The following EVC variants were observed in gnomAD, a reference collection of about 807,000 sequenced individuals.
EVC encodes the protein EvC ciliary complex subunit 1.
Under a neutral mutation model 118.9 loss-of-function variants are expected in EVC, and 116 were observed. The observed-to-expected ratio is 0.98, with a 90% confidence interval of 0.84 to 1.14. The LOEUF is 1.14. Ranked by LOEUF, EVC falls within the 50% of genes most tolerant of loss-of-function variation. EVC has a pLI of 0.00. For missense variants in EVC, 1,401 were observed against 1,246.4 expected (o/e 1.12, Z -1.87); for synonymous variants, 619 against 534.7 (o/e 1.16, Z -2.18).
chr4:5,778,413 C>T (rs1195844195), intron 11 of EVC, among the ~76,000 whole-genome samples: 3 of 151,698 alleles, frequency 2.0e-5, no homozygotes, highest in African/African-American at 7.3e-5. Context: ...GGAATCGCCA[C>T]ACTGACTTCC....
chr4:5,758,358 A>T, intron 11 of EVC: 1 of 523,940 alleles, frequency 1.9e-6, no homozygotes, highest in East Asian at 3.2e-5. Context: ...AACTAAACGG[A>T]AGGCGATCTT....
chr4:5,828,800 T>G, the EVC span: 2 of 1,111,770 alleles, frequency 1.8e-6, no homozygotes, highest in Admixed American at 2.8e-5. Context: ...AAAATACCTT[T>G]TATTGACTGT....
chr4:5,794,325 T>A lies in EVC; in HGVS notation c.1886+608T>A, dbSNP rs28579216. Among the ~76,000 whole-genome samples the A allele has an allele frequency of 4.4e-5, 6 of 135,242 alleles. No homozygotes were observed. The South Asian group carries it at 1.3e-3, about 30-fold the overall frequency. 88.7% of individuals were successfully genotyped at this position (135,242 alleles called of 152,430 possible). A position where few individuals can be genotyped will look rare whatever the true frequency, so the allele number is the denominator to read the frequency against. ...TATATTTTTATATATTTATATATAT[T>A]TATATATATTTATATACTTATATAT... On this transcript the variant is annotated intron_variant, in intron 13 of 20. Coordinates refer to ENST00000264956, the MANE Select transcript of EVC (RefSeq NM_153717.3).
chr4:5,720,709 G>C (rs902963153), intron 2 of EVC, among the ~76,000 whole-genome samples: 2 of 152,208 alleles, frequency 1.3e-5, no homozygotes, highest in East Asian at 1.9e-4. Flanking sequence ...ACGTGGACGG[G>C]GGGAGAGATG....
chr4:5,730,921 GGTGTGCA>G, intron 3 of EVC, among the ~76,000 whole-genome samples: 1 of 151,732 alleles, frequency 6.6e-6, no homozygotes, highest in Non-Finnish European at 1.5e-5. Context: ...TGGTGTGCAT[GGTGTGCA>G]TGGTGTTCCA....
intron 12 of EVC, among the ~76,000 whole-genome samples, chr4:5,786,949 A>T (rs541547019): frequency 1.3e-4 from 20 of 152,294 alleles, no homozygotes; most frequent in Admixed American, 3.3e-4. Flanking sequence ...AAAAAAAGAG[A>T]AATGAGCTCT....
At position 5,738,571 on chromosome 4, in the gene EVC, T is replaced by G. The variant is rs1162500029; in HGVS notation, c.703-3145T>G. 6.6e-6 allele frequency among the ~76,000 whole-genome samples: 1 copy of G among 151,884 alleles called. No homozygotes were observed. Among genetic ancestry groups the G allele is most frequent in the African/African-American group, 2.4e-5 (1 of 41,310 alleles). On this transcript the variant is annotated intron_variant, in intron 5 of 20. Coordinates refer to ENST00000264956, the MANE Select transcript of EVC (RefSeq NM_153717.3). This position sits in a 1 kb window ranked among gnomAD's most constrained non-coding sequence, Gnocchi z 6.5. ...CTCATAAGTCAGTAGCCATCAACAT[T>G]GAGACAAGACCCTCCACCAGCTAAA...
At chr4:5,817,922 CT>C (rs1717951847), downstream of EVC, among the ~76,000 whole-genome samples, 1 of 152,180 alleles carries the variant, frequency 6.6e-6, no homozygotes, top group African/African-American at 2.4e-5. Context: ...GTGCAAAGAC[CT>C]TGCCCATTCT....
chr4:5,775,873 A>G (rs1255423684), intron 11 of EVC, among the ~76,000 whole-genome samples: 1 of 152,214 alleles, frequency 6.6e-6, no homozygotes, highest in African/African-American at 2.4e-5. Context: ...TTATAGGTCA[A>G]TTTGAGGAGA....
At chr4:5,802,140 T>C (rs543872798) in intron 16 of EVC, 46 bp downstream of exon 16, 2 of 1,612,730 alleles carry the variant, frequency 1.2e-6, no homozygotes, top group Admixed American at 1.7e-5. Context: ...ACTGGCAATG[T>C]GTGCTTTTAG....
At chr4:5,794,283 A>ATT (rs1560419567) in intron 13 of EVC, among the ~76,000 whole-genome samples, 37 of 122,512 alleles carry the variant, frequency 3.0e-4, no homozygotes, top group Admixed American at 1.9e-3. Flanking sequence ...ATATATTTAT[A>ATT]TATATTTTTA....
chr4:5,776,125 C>T lies in EVC; in HGVS notation c.1564-7427C>T, dbSNP rs191524499. Among the ~76,000 whole-genome samples the T allele has an allele frequency of 1.5e-4, 23 of 152,014 alleles. 1 individual carries two copies. Among genetic ancestry groups the T allele is most frequent in the East Asian group, 1.4e-3 (7 of 5,178 alleles). On this transcript the variant is annotated intron_variant, in intron 11 of 20. Transcript: ENST00000264956. ...AATTTTGTAAAATGCTTTTATCTTC[C>T]TCTACTGAGGTAATCAGTGTAATAT...
Position 5,754,661 on chromosome 4 carries a change from C to T in EVC, c.1464+728C>T, listed in dbSNP as rs1035334994. Among the ~76,000 whole-genome samples the T allele has an allele frequency of 3.9e-5, 6 of 152,172 alleles. No homozygotes were observed. Among genetic ancestry groups the T allele is most frequent in the South Asian group, 4.2e-4 (2 of 4,802 alleles). On this transcript the variant is annotated intron_variant, in intron 10 of 20. Transcript: ENST00000264956. The surrounding 1 kb of genome is among the most constrained non-coding windows in gnomAD (Gnocchi z 5.8). ...TCTTGCAGGCTGGTTAAGCATTGGG[C>T]GCTGAGGCCAGCCACACTTGGGTTT... is the stretch of plus-strand genomic sequence containing the variant.
the EVC span, among the ~76,000 whole-genome samples, chr4:5,820,318 TCAC>T: frequency 1.4e-5 from 2 of 143,706 alleles, no homozygotes; most frequent in Non-Finnish European, 3.0e-5. Flanking sequence ...ATCATTACTG[TCAC>T]CACCATCATT....
At chr4:5,733,514 C>G in intron 5 of EVC, 79 bp downstream of exon 5, 1 of 1,229,252 alleles carries the variant, frequency 8.1e-7, no homozygotes, top group Non-Finnish European at 1.2e-6. Context: ...CAGTGAGTCC[C>G]AGAGACCCTT....
At chr4:5,712,452 A>G (rs985170107) in intron 1 of EVC, among the ~76,000 whole-genome samples, 3 of 152,206 alleles carry the variant, frequency 2.0e-5, no homozygotes, top group African/African-American at 7.2e-5. Context: ...TTGGCTGTGC[A>G]TGGCAACACC....
chr4:5,798,978 G>A lies in EVC; in HGVS notation c.2304+186G>A, dbSNP rs1318570673. ...TCTTCTCCCTCGCAGAATGGGGAGG[G>A]GCAGTCGCAGCAGATCACCGGTTCT... On this transcript the variant is annotated intron_variant, in intron 15 of 20. Transcript: ENST00000264956. The surrounding 1 kb of genome is among the most constrained non-coding windows in gnomAD (Gnocchi z 4.1). Among the ~76,000 whole-genome samples the A allele has an allele frequency of 6.6e-6, 1 of 152,130 alleles. No individual in the cohort carries two copies. Among genetic ancestry groups the A allele is most frequent in the Non-Finnish European group, 1.5e-5 (1 of 68,008 alleles).
chr4:5,740,655 C>G (rs1389971433), intron 5 of EVC, among the ~76,000 whole-genome samples: 2 of 152,032 alleles, frequency 1.3e-5, no homozygotes, highest in Non-Finnish European at 2.9e-5. Flanking sequence ...AGAAGACAAG[C>G]TACAGAGTGA....
intron 14 of EVC, 101 bp downstream of exon 14, chr4:5,797,333 T>C (rs1714158247): frequency 1.9e-6 from 2 of 1,026,118 alleles, no homozygotes; most frequent in Non-Finnish European, 3.0e-6. Flanking sequence ...CCTATCACCC[T>C]TGGTGCTGCA....
Sources: gnomAD v4.1 joint callset for allele counts (sites outside exome capture counted in the v4.1 genomes callset) on GRCh38, gnomAD v4.1.1 for gene constraint, Gnocchi (gnomAD v3.1) non-coding constraint, MANE v1.5 for transcripts, NCBI Gene and HGNC (gene_info 2026-07-23, HGNC 2026-07-21) for gene names.